Variants in RABGAP1L observed in about 807,000 individuals in gnomAD.
RABGAP1L encodes RAB GTPase activating protein 1 like.
A neutral mutation model predicts 137.7 loss-of-function variants in RABGAP1L; 63 were observed. That is an observed-to-expected ratio of 0.46 (90% CI 0.37 to 0.56). The LOEUF (loss-of-function observed/expected upper bound fraction) is 0.56. RABGAP1L is among the 20% of genes least tolerant of loss of function. RABGAP1L has a pLI of 0.00. For synonymous variants in RABGAP1L, 431 were observed against 433.7 expected, an observed-to-expected ratio of 0.99 and a Z score of 0.08; for missense variants, 1,095 against 1,244.0, an observed-to-expected ratio of 0.88 and a Z score of 1.80.
chr1:174,338,539 G>A (rs1681683572), intron 11 of RABGAP1L, among the ~76,000 whole-genome samples: 1 of 150,746 alleles, frequency 6.6e-6, no homozygotes, highest in Non-Finnish European at 1.5e-5. Flanking sequence ...CTGAAATGTA[G>A]TGTTTTTTTT....
intron 13 of RABGAP1L, among the ~76,000 whole-genome samples, chr1:174,479,661 T>A (rs1658883907): frequency 1.3e-5 from 2 of 152,218 alleles, no homozygotes; most frequent in Admixed American, 6.5e-5. Context: ...AGTATAAATT[T>A]GCATGCTTTT....
intron 13 of RABGAP1L, among the ~76,000 whole-genome samples, chr1:174,418,727 T>A (rs1424339430): frequency 6.6e-6 from 1 of 152,118 alleles, no homozygotes; most frequent in Non-Finnish European, 1.5e-5. Flanking sequence ...ATCATTTTAA[T>A]CCTGTGTAGT....
intron 12 of RABGAP1L, among the ~76,000 whole-genome samples, chr1:174,383,826 C>G (rs1039648384): frequency 1.3e-5 from 2 of 151,968 alleles, no homozygotes; most frequent in African/African-American, 4.8e-5. Flanking sequence ...GCAACTGCAA[C>G]TCTCATATGT....
intron 19 of RABGAP1L, among the ~76,000 whole-genome samples, chr1:174,951,345 T>G (rs1667674144): frequency 6.6e-6 from 1 of 152,206 alleles, no homozygotes; most frequent in Non-Finnish European, 1.5e-5. Context: ...CTTGGGCAAG[T>G]TACCTATCCT....
At chr1:174,471,066 A>G (rs985528983) in intron 13 of RABGAP1L, among the ~76,000 whole-genome samples, 3 of 151,868 alleles carry the variant, frequency 2.0e-5, no homozygotes, top group African/African-American at 7.3e-5. Context: ...ATTTACTGAT[A>G]TTGATTATGT....
intron 19 of RABGAP1L, among the ~76,000 whole-genome samples, chr1:174,871,154 G>T (rs995848574): frequency 7.2e-6 from 1 of 139,550 alleles, no homozygotes; most frequent in Non-Finnish European, 1.5e-5. Context: ...TGAGTTTTTT[G>T]TTTGTTTGTT....
chr1:174,574,844 G>C (rs1668249801), intron 13 of RABGAP1L, among the ~76,000 whole-genome samples: 1 of 152,170 alleles, frequency 6.6e-6, no homozygotes, highest in African/African-American at 2.4e-5. Flanking sequence ...TTGTACCTAA[G>C]AAATCAGTGA....
intron 11 of RABGAP1L, among the ~76,000 whole-genome samples, chr1:174,356,209 T>G (rs1683629448): frequency 6.6e-6 from 1 of 152,106 alleles, no homozygotes; most frequent in African/African-American, 2.4e-5. Flanking sequence ...ATTAATAAGG[T>G]TTTGGGTTTT....
chr1:174,316,302 G>A (rs1349199559), intron 11 of RABGAP1L, among the ~76,000 whole-genome samples: 3 of 152,156 alleles, frequency 2.0e-5, no homozygotes, highest in Non-Finnish European at 4.4e-5. Flanking sequence ...GCTAGTAGAT[G>A]TTTTTCGGTG....
At chr1:174,915,472 G>GT (rs986058379) in intron 19 of RABGAP1L, among the ~76,000 whole-genome samples, 6 of 151,470 alleles carry the variant, frequency 4.0e-5, no homozygotes, top group Non-Finnish European at 8.8e-5. Flanking sequence ...TTTTTCTTTT[G>GT]TTTTTTAGAC....
intron 13 of RABGAP1L, among the ~76,000 whole-genome samples, chr1:174,416,019 C>CATATATATATATATATAT (rs143285036): frequency 0.064 from 8,160 of 127,780 alleles, 429 homozygotes; most frequent in Admixed American, 0.079. Context: ...AGAAAATTTA[C>CATATATATATATATATAT]ATATATATAT....
chr1:174,873,531 G>A (rs1172415809), intron 19 of RABGAP1L, among the ~76,000 whole-genome samples: 4 of 132,398 alleles, frequency 3.0e-5, no homozygotes, highest in African/African-American at 5.7e-5. Context: ...TTTTTTTTCC[G>A]AGATGGAATT....
At chr1:174,585,307 C>T (rs1380222391) in intron 13 of RABGAP1L, among the ~76,000 whole-genome samples, 1 of 152,162 alleles carries the variant, frequency 6.6e-6, no homozygotes, top group Non-Finnish European at 1.5e-5. Context: ...AGCTCATTAT[C>T]TAATTTTAGG....
At chr1:174,603,317 C>A (rs1273429161) in intron 13 of RABGAP1L, among the ~76,000 whole-genome samples, 1 of 152,088 alleles carries the variant, frequency 6.6e-6, no homozygotes, top group African/African-American at 2.4e-5. Flanking sequence ...ACAGAGTCTC[C>A]GTCTCCATCC....
At chr1:174,369,462 G>A (rs936915975) in intron 11 of RABGAP1L, among the ~76,000 whole-genome samples, 5 of 152,178 alleles carry the variant, frequency 3.3e-5, no homozygotes, top group African/African-American at 4.8e-5. Context: ...GGGATTACAG[G>A]CCTGAGCCAC....
chr1:174,285,938 A>G (rs1180554453), intron 10 of RABGAP1L, among the ~76,000 whole-genome samples: 1 of 152,100 alleles, frequency 6.6e-6, no homozygotes, highest in Non-Finnish European at 1.5e-5. Context: ...ATACCATTTG[A>G]TCATGTGTAT....
chr1:174,777,425 T>C (rs1016025034), intron 18 of RABGAP1L, among the ~76,000 whole-genome samples: 12 of 152,190 alleles, frequency 7.9e-5, no homozygotes, highest in African/African-American at 2.9e-4. Flanking sequence ...AGGATGCCCA[T>C]AGGACATGCT....
intron 13 of RABGAP1L, among the ~76,000 whole-genome samples, chr1:174,429,970 G>T (rs1217631588): frequency 3.3e-5 from 5 of 152,084 alleles, no homozygotes; most frequent in Non-Finnish European, 5.9e-5. Context: ...TATTAGCAAG[G>T]AACATATGAA....
At chr1:174,951,077 A>G (rs1027675471) in intron 19 of RABGAP1L, among the ~76,000 whole-genome samples, 88 of 152,334 alleles carry the variant, frequency 5.8e-4, no homozygotes, top group African/African-American at 2.0e-3. Flanking sequence ...AGTCATCATG[A>G]AAATCCTCCT....
Sources: allele counts gnomAD v4.1 joint callset (sites outside exome capture counted in the v4.1 genomes callset), GRCh38; gene constraint gnomAD v4.1.1; transcripts MANE v1.5; gene names NCBI Gene and HGNC (gene_info 2026-07-23, HGNC 2026-07-21).